GOLGA1: variants seen among roughly 807,000 people sequenced by gnomAD.
GOLGA1 encodes the protein golgin A1, also known as golgin subfamily A member 1.
GOLGA1 carries 63 observed loss-of-function variants against 119.7 expected under a neutral mutation model. The ratio of observed to expected loss-of-function variants is 0.53; its 90% CI spans 0.43 to 0.65. The LOEUF (loss-of-function observed/expected upper bound fraction) is 0.65. GOLGA1 is among the 30% of genes least tolerant of loss of function. The probability of loss-of-function intolerance (pLI) is 0.00; values close to 1 mark genes in which losing one functional copy is unlikely to be tolerated. For synonymous variants in GOLGA1, 318 were observed against 333.4 expected (o/e 0.95, Z 0.50); for missense variants, 798 against 912.8 (o/e 0.87, Z 1.62).
intron 15 of GOLGA1, 62 bp downstream of exon 15, chr9:124,898,487 G>A: frequency 1.1e-6 from 1 of 936,722 alleles, no homozygotes; most frequent in Non-Finnish European, 1.7e-6. Context: ...GTGGGGCACT[G>A]TAAATACACA....
chr9:124,935,663 G>A (rs990844564), intron 3 of GOLGA1, among the ~76,000 whole-genome samples: 5 of 151,778 alleles, frequency 3.3e-5, no homozygotes, highest in Non-Finnish European at 5.9e-5. Flanking sequence ...CAAGTGTGGC[G>A]GTGTGTGCCT....
chr9:124,882,683 T>C (rs1010279426), intron 19 of GOLGA1, 114 bp from the exon 20 acceptor site: 71 of 789,458 alleles, frequency 9.0e-5, no homozygotes, highest in Non-Finnish European at 1.3e-4. Context: ...GCCTCTGCCC[T>C]GAGAAGTCAT....
intron 7 of GOLGA1, among the ~76,000 whole-genome samples, chr9:124,925,164 G>C (rs1249194094): frequency 6.6e-6 from 1 of 151,894 alleles, no homozygotes; most frequent in Non-Finnish European, 1.5e-5. Flanking sequence ...TGTGAACCTT[G>C]TGAACCTAAG....
chr9:124,933,138 T>C (rs1807118562), intron 3 of GOLGA1, among the ~76,000 whole-genome samples: 1 of 152,086 alleles, frequency 6.6e-6, no homozygotes, highest in Admixed American at 6.5e-5. Flanking sequence ...CTATCCAAAA[T>C]AACAGCAGCA....
chr9:124,937,225 G>A (rs1360724150), intron 3 of GOLGA1, among the ~76,000 whole-genome samples: 2 of 152,108 alleles, frequency 1.3e-5, no homozygotes, highest in African/African-American at 4.8e-5. Context: ...AGACCGACGC[G>A]GGAGGATCAC....
intron 5 of GOLGA1, among the ~76,000 whole-genome samples, chr9:124,928,840 A>G (rs191659417): frequency 6.6e-6 from 1 of 152,326 alleles, no homozygotes; most frequent in Admixed American, 6.5e-5. Context: ...GGGAGTGATG[A>G]CAGGGATTTC....
intron 16 of GOLGA1, 40 bp downstream of exon 16, chr9:124,890,349 T>C: frequency 7.5e-7 from 1 of 1,341,992 alleles, no homozygotes; most frequent in Non-Finnish European, 1.1e-6. Context: ...CCTGTGGGAC[T>C]GCAGGGGGAC....
At position 124,923,098 on chromosome 9, in the gene GOLGA1, G is replaced by T; in HGVS notation, c.558C>A (p.His186Gln). The T allele has an allele frequency of 1.2e-6, 2 of 1,604,554 alleles. No homozygotes were observed. The highest frequency in any genetic ancestry group is 8.5e-7 in the Non-Finnish European group (1 of 1,174,924). Reference protein sequence around the residue: ...FQQQELSKIKHMLLKKEESLG... With the variant: ...FQQQELSKIKQMLLKKEESLG... ...CTACTAAAACAAAAATGCATACCATGTGCTTTATTTTACTTAGTTCCTGCT... is the reference window on the plus strand; with the variant it reads ...CTACTAAAACAAAAATGCATACCATTTGCTTTATTTTACTTAGTTCCTGCT... The change falls in exon 8 of 23, where the codon CAC (histidine) becomes CAA (glutamine). Residue 186 changes from histidine to glutamine, a missense_variant. Transcript: ENST00000373555.
At chr9:124,905,034 T>C in intron 12 of GOLGA1, among the ~76,000 whole-genome samples, 1 of 149,308 alleles carries the variant, frequency 6.7e-6, no homozygotes, top group East Asian at 2.0e-4. Flanking sequence ...TAATTCCAGC[T>C]CTTTGGGAGG....
intron 15 of GOLGA1, among the ~76,000 whole-genome samples, chr9:124,895,462 AACCCTCCACAACAGAG>A (rs1304237456): frequency 6.9e-6 from 1 of 145,190 alleles, no homozygotes; most frequent in Non-Finnish European, 1.5e-5. Context: ...CACAACAGAG[AACCCTCCACAACAGAG>A]ACCCTCCACA....
chr9:124,921,049 T>C lies in GOLGA1; in HGVS notation c.843+80A>G, dbSNP rs1830559725. ...GCATGAGAAATGTATGTTCAGTAGC[T>C]ACTCTCAGGCAGAAATTTCTGAAAG... On this transcript the variant is annotated intron_variant, in intron 10 of 22. Transcript: ENST00000373555. 3.5e-6 allele frequency: 3 copies of C among 850,736 alleles called. No homozygotes were observed. The African/African-American group carries it at 5.0e-5, about 14-fold the overall frequency. 52.7% of individuals were successfully genotyped at this position (850,736 alleles called of 1,614,324 possible).
chr9:124,884,893 G>A (rs142578326), intron 19 of GOLGA1, among the ~76,000 whole-genome samples: 199 of 152,250 alleles, frequency 1.3e-3, no homozygotes, highest in African/African-American at 4.4e-3. Flanking sequence ...GTTCACCCTC[G>A]AGGGGAAAAG....
At chr9:124,933,140 ACAG>A (rs1195178649) in intron 3 of GOLGA1, among the ~76,000 whole-genome samples, 1 of 152,220 alleles carries the variant, frequency 6.6e-6, no homozygotes, top group African/African-American at 2.4e-5. Flanking sequence ...ATCCAAAATA[ACAG>A]CAGCAGCAGC....
intron 15 of GOLGA1, among the ~76,000 whole-genome samples, chr9:124,897,782 A>G (rs916410925): frequency 1.3e-5 from 2 of 152,204 alleles, no homozygotes; most frequent in Non-Finnish European, 2.9e-5. Flanking sequence ...ATTAGTACCT[A>G]TGTCACTCAT....
At position 124,881,206 on chromosome 9, in the gene GOLGA1, C is replaced by T; in HGVS notation, c.2188G>A (p.Glu730Lys). ...AGAGTTTCCTTGAGCATGTTCTCCT[C>T]CTCTTGGGAAAAGTTCAGCAACACT... ...VSVLLNFSQE[E>K]ENMLKETLEY... Residue 730 changes from glutamate (E) to lysine (K), a missense_variant, in exon 22 of 23, where the codon GAG (glutamate) becomes AAG (lysine). Glu to Lys is a moderately conservative substitution (Grantham distance 56). Coordinates refer to ENST00000373555, the MANE Select transcript of GOLGA1 (RefSeq NM_002077.4). The surrounding 1 kb of genome is among the most constrained non-coding windows in gnomAD (Gnocchi z 4.9). The T allele has an allele frequency of 6.3e-7, 1 of 1,599,652 alleles. No individual in the cohort carries two copies. Among genetic ancestry groups the T allele is most frequent in the South Asian group, 1.1e-5 (1 of 90,812 alleles).
intron 15 of GOLGA1, among the ~76,000 whole-genome samples, chr9:124,897,209 T>C (rs1225728025): frequency 6.6e-6 from 1 of 152,192 alleles, no homozygotes; most frequent in Non-Finnish European, 1.5e-5. Context: ...CTCTCCCACC[T>C]CCCCATTGGC....
At chr9:124,920,855 G>GA (rs58458904) in intron 10 of GOLGA1, among the ~76,000 whole-genome samples, 40,073 of 110,778 alleles carry the variant, frequency 0.36, 6,835 homozygotes, top group Non-Finnish European at 0.47. Context: ...CAAAAAAAAA[G>GA]AAAAAAAAAA....
At chr9:124,894,796 G>A (rs1156465906) in intron 15 of GOLGA1, among the ~76,000 whole-genome samples, 1 of 152,182 alleles carries the variant, frequency 6.6e-6, no homozygotes, top group African/African-American at 2.4e-5. Flanking sequence ...AAGTGGGGCT[G>A]CTACTGACAT....
chr9:124,923,554 T>G (rs1183666805), intron 7 of GOLGA1, among the ~76,000 whole-genome samples: 1 of 152,252 alleles, frequency 6.6e-6, no homozygotes, highest in Non-Finnish European at 1.5e-5. Flanking sequence ...ATTCTTTAAT[T>G]GAATTAATCC....
Sources: allele counts gnomAD v4.1 joint callset (sites outside exome capture counted in the v4.1 genomes callset), GRCh38; gene constraint gnomAD v4.1.1; non-coding constraint Gnocchi (gnomAD v3.1); transcripts MANE v1.5; gene names NCBI Gene and HGNC (gene_info 2026-07-23, HGNC 2026-07-21).